RGS6: variants seen among roughly 807,000 people sequenced by gnomAD.
RGS6 encodes the protein regulator of G protein signaling 6, also known as regulator of G-protein signaling 6.
Under a neutral mutation model 78.5 loss-of-function variants are expected in RGS6, and 30 were observed. The observed-to-expected ratio is 0.38, with a 90% CI of 0.29 to 0.52. RGS6 has a LOEUF of 0.52. RGS6 is among the 20% of genes least tolerant of loss of function. RGS6 has a pLI of 0.85. For missense variants in RGS6, 495 were observed against 609.7 expected (o/e 0.81, Z 1.98); for synonymous variants, 206 against 206.0 (o/e 1.00, Z 0.00).
At chr14:72,027,487 A>G (rs1414914122) in intron 2 of RGS6, among the ~76,000 whole-genome samples, 11 of 152,222 alleles carry the variant, frequency 7.2e-5, no homozygotes, top group African/African-American at 1.9e-4. Flanking sequence ...GTGCTACCAA[A>G]TCTGCCCACC....
chr14:72,354,293 C>T (rs894162494), intron 3 of RGS6, among the ~76,000 whole-genome samples: 2 of 152,000 alleles, frequency 1.3e-5, no homozygotes, highest in Non-Finnish European at 2.9e-5. Flanking sequence ...AGGTTGTAGA[C>T]TGCTGACTTC....
At chr14:72,099,491 A>C (rs2095483364) in intron 2 of RGS6, among the ~76,000 whole-genome samples, 1 of 152,158 alleles carries the variant, frequency 6.6e-6, no homozygotes, top group South Asian at 2.1e-4. Context: ...TCACACAGCC[A>C]GGAAGTAGAC....
chr14:72,057,301 G>A (rs1221516595), intron 2 of RGS6, among the ~76,000 whole-genome samples: 1 of 115,290 alleles, frequency 8.7e-6, no homozygotes, highest in Admixed American at 1.0e-4. Flanking sequence ...GTGACAGAGT[G>A]AGACTCTATC....
chr14:72,038,569 AT>A (rs1348505127), intron 2 of RGS6, among the ~76,000 whole-genome samples: 2 of 152,050 alleles, frequency 1.3e-5, no homozygotes, highest in African/African-American at 4.8e-5. Flanking sequence ...TTTCATTAGC[AT>A]TTTATAGTTT....
At chr14:72,538,041 C>A (rs1041361578) in intron 16 of RGS6, among the ~76,000 whole-genome samples, 2 of 152,214 alleles carry the variant, frequency 1.3e-5, no homozygotes, top group African/African-American at 4.8e-5. Flanking sequence ...AAGGGATGTT[C>A]TTGAGACAGA....
intron 1 of RGS6, among the ~76,000 whole-genome samples, chr14:71,952,907 AG>A: frequency 1.3e-5 from 2 of 152,312 alleles, no homozygotes; most frequent in Admixed American, 1.3e-4. Context: ...TTTTCTTCTT[AG>A]GTCCCCTGGG....
intron 4 of RGS6, among the ~76,000 whole-genome samples, 155 bp from the exon 5 acceptor site, chr14:72,458,116 A>G (rs766260692): frequency 6.6e-6 from 1 of 152,064 alleles, no homozygotes; most frequent in Non-Finnish European, 1.5e-5. Context: ...AGCCATTGGC[A>G]TCTCCCCTCC....
At chr14:72,492,508 A>G (rs1463864501) in intron 12 of RGS6, among the ~76,000 whole-genome samples, 1 of 152,190 alleles carries the variant, frequency 6.6e-6, no homozygotes, top group African/African-American at 2.4e-5. Flanking sequence ...TCTAGTTTCT[A>G]TGACCCACTT....
chr14:72,540,570 T>C, intron 17 of RGS6: 2 of 1,539,654 alleles, frequency 1.3e-6, no homozygotes, highest in Non-Finnish European at 1.7e-6. Context: ...AATGTTGCTG[T>C]GTAGGCGGCT....
intron 1 of RGS6, among the ~76,000 whole-genome samples, chr14:71,954,656 A>G (rs1050323044): frequency 1.3e-5 from 2 of 152,184 alleles, no homozygotes; most frequent in Admixed American, 1.3e-4. Flanking sequence ...CTCTTGTGCT[A>G]TCAAATGGTA....
chr14:72,322,701 A>G (rs2072430605), intron 2 of RGS6, among the ~76,000 whole-genome samples: 1 of 152,110 alleles, frequency 6.6e-6, no homozygotes, highest in Non-Finnish European at 1.5e-5. Context: ...GCTATGTTCA[A>G]ATGGGATTTA....
intron 1 of RGS6, chr14:71,933,220 G>A (rs1020785776): frequency 2.6e-5 from 4 of 152,256 alleles, no homozygotes; most frequent in Non-Finnish European, 4.4e-5. Flanking sequence ...GGGTTTCTGG[G>A]TGTGAAGCGC....
chr14:72,498,424 G>A (rs758676249), intron 13 of RGS6, among the ~76,000 whole-genome samples: 3 of 152,124 alleles, frequency 2.0e-5, no homozygotes, highest in Non-Finnish European at 4.4e-5. Context: ...TTTTATAAAT[G>A]AAGGTCTTAG....
At chr14:72,152,829 C>T (rs1386160386) in intron 2 of RGS6, among the ~76,000 whole-genome samples, 1 of 151,978 alleles carries the variant, frequency 6.6e-6, no homozygotes, top group African/African-American at 2.4e-5. Context: ...GTCCTTGTCA[C>T]ACGGCTATGA....
intron 2 of RGS6, among the ~76,000 whole-genome samples, chr14:72,052,957 CTTTCTTTCTTTCTTTCTTTCTTTCTT>C (rs2093353170): frequency 2.5e-5 from 1 of 40,712 alleles, no homozygotes; most frequent in Non-Finnish European, 4.0e-5. Flanking sequence ...TTCTTTCTTT[CTTTCTTTCTTTCTTTCTTTCTTTCTT>C]TCTCTCTCTC....
Position 72,518,457 on chromosome 14 carries a change from A to G in RGS6, c.1198A>G (p.Ile400Val), listed in dbSNP as rs780472369. 2 of 1,614,106 alleles carry G rather than the reference A, an allele frequency of 1.2e-6. No individual in the cohort carries two copies. The highest frequency in any genetic ancestry group is 1.3e-5 in the African/African-American group (1 of 74,928). ...EFLAPGAPSAINLDSHSYEIT... is the reference protein window; with the variant it reads ...EFLAPGAPSAVNLDSHSYEIT... ...TCTGGCTCCAGGGGCTCCAAGTGCA[A>G]TCAACCTGGATTCTCACAGCTATGA... The change falls in exon 15 of 18, where the codon ATC becomes GTC. Residue 400 changes from isoleucine (I) to valine (V), a missense_variant. By Grantham distance (29) the Ile-to-Val change is conservative. Coordinates refer to ENST00000553525, the MANE Select transcript of RGS6 (RefSeq NM_001204424.2).
intron 2 of RGS6, among the ~76,000 whole-genome samples, chr14:72,086,300 T>C (rs1478182386): frequency 6.6e-6 from 1 of 151,984 alleles, no homozygotes; most frequent in Non-Finnish European, 1.5e-5. Flanking sequence ...CTAAAGGCAT[T>C]AGAGTTTTTC....
intron 2 of RGS6, among the ~76,000 whole-genome samples, chr14:72,288,198 C>A (rs2062936335): frequency 6.6e-6 from 1 of 152,060 alleles, no homozygotes; most frequent in African/African-American, 2.4e-5. Flanking sequence ...GTAGAATTTG[C>A]CAGTGAATCC....
intron 3 of RGS6, among the ~76,000 whole-genome samples, chr14:72,410,143 A>G (rs1396686937): frequency 6.6e-6 from 1 of 152,226 alleles, no homozygotes; most frequent in Non-Finnish European, 1.5e-5. Context: ...CGCCACACCA[A>G]CTTCCACAAT....
Sources: gnomAD v4.1 joint callset for allele counts (sites outside exome capture counted in the v4.1 genomes callset) on GRCh38, gnomAD v4.1.1 for gene constraint, MANE v1.5 for transcripts, NCBI Gene and HGNC (gene_info 2026-07-23, HGNC 2026-07-21) for gene names.